The following MITF variants were observed in gnomAD, a reference collection of about 807,000 sequenced individuals.
MITF encodes microphthalmia-associated transcription factor.
Under a neutral mutation model 60.5 loss-of-function variants are expected in MITF, and 17 were observed. The observed-to-expected ratio is 0.28, with a 90% CI of 0.19 to 0.42. The LOEUF (loss-of-function observed/expected upper bound fraction) is 0.42. Ranked by LOEUF, MITF falls within the 10% of genes least tolerant of loss-of-function variation. The pLI is 1.00. For missense variants in MITF, 622 were observed against 683.5 expected, an observed-to-expected ratio of 0.91 and a Z score of 1.00; for synonymous variants, 260 against 248.5, an observed-to-expected ratio of 1.05 and a Z score of -0.43.
chr3:69,757,774 T>G (rs753161275), intron 1 of MITF, among the ~76,000 whole-genome samples: 31 of 152,154 alleles, frequency 2.0e-4, no homozygotes, highest in Non-Finnish European at 3.4e-4. Context: ...GAATTATGTG[T>G]AGGATCTTCG....
At chr3:69,825,592 C>T (rs1015510159) in intron 1 of MITF, among the ~76,000 whole-genome samples, 1 of 152,156 alleles carries the variant, frequency 6.6e-6, no homozygotes, top group African/African-American at 2.4e-5. Context: ...TTGTTTCCTT[C>T]CACCCTCATA....
At chr3:69,822,558 C>T (rs1001047625) in intron 1 of MITF, among the ~76,000 whole-genome samples, 14 of 152,012 alleles carry the variant, frequency 9.2e-5, no homozygotes, top group African/African-American at 2.7e-4. Flanking sequence ...GCATTCCTGT[C>T]GAGAGAAAAA....
At chr3:69,855,716 C>A (rs1284358950) in intron 1 of MITF, among the ~76,000 whole-genome samples, 1 of 151,838 alleles carries the variant, frequency 6.6e-6, no homozygotes, top group Non-Finnish European at 1.5e-5. Flanking sequence ...AGATAACAAC[C>A]AAAACAAAAA....
chr3:69,849,913 G>T (rs972326692), intron 1 of MITF, among the ~76,000 whole-genome samples: 131 of 152,150 alleles, frequency 8.6e-4, no homozygotes, highest in African/African-American at 3.1e-3. Flanking sequence ...ATAATATTTT[G>T]TTCTTATCTT....
intron 1 of MITF, among the ~76,000 whole-genome samples, chr3:69,822,150 C>T (rs936266087): frequency 2.2e-4 from 34 of 152,206 alleles, no homozygotes; most frequent in African/African-American, 8.0e-4. Flanking sequence ...ATAAACCACA[C>T]CTGGCCTGTC....
chr3:69,929,421 C>T (rs1270803171), intron 2 of MITF, among the ~76,000 whole-genome samples: 1 of 152,044 alleles, frequency 6.6e-6, no homozygotes, highest in Non-Finnish European at 1.5e-5. Flanking sequence ...GCACAGTGGA[C>T]AGGGGTCTGT....
chr3:69,945,750 C>T (rs1306073861), intron 5 of MITF, among the ~76,000 whole-genome samples: 1 of 152,148 alleles, frequency 6.6e-6, no homozygotes, highest in African/African-American at 2.4e-5. Context: ...TGCTTAACAG[C>T]ATCCCTGGCC....
At chr3:69,959,004 G>A in intron 8 of MITF, among the ~76,000 whole-genome samples, 1 of 148,060 alleles carries the variant, frequency 6.8e-6, no homozygotes, top group Non-Finnish European at 1.5e-5. Context: ...GGACTTGCGG[G>A]GAAGGGAGGG....
intron 1 of MITF, among the ~76,000 whole-genome samples, chr3:69,851,961 A>G (rs1048064678): frequency 6.6e-6 from 1 of 152,198 alleles, no homozygotes; most frequent in African/African-American, 2.4e-5. Flanking sequence ...GCAGTGCTTT[A>G]TGGGAAATCC....
chr3:69,866,229 C>T (rs1575842053), intron 1 of MITF: 1 of 1,607,402 alleles, frequency 6.2e-7, no homozygotes. Flanking sequence ...CAGCCAGTGC[C>T]AGAACTAACT....
intron 1 of MITF, among the ~76,000 whole-genome samples, chr3:69,813,804 A>C (rs1389194215): frequency 6.6e-6 from 1 of 152,208 alleles, no homozygotes; most frequent in Non-Finnish European, 1.5e-5. Context: ...ACAAAAAGTG[A>C]GAATACTTAA....
intron 2 of MITF, among the ~76,000 whole-genome samples, chr3:69,900,273 G>T (rs2064967902): frequency 6.6e-6 from 1 of 152,140 alleles, no homozygotes; most frequent in African/African-American, 2.4e-5. Context: ...GTTGCAGCCG[G>T]TTTATTTTTG....
chr3:69,818,095 T>G (rs181376955), intron 1 of MITF, among the ~76,000 whole-genome samples: 1 of 152,206 alleles, frequency 6.6e-6, no homozygotes, highest in Non-Finnish European at 1.5e-5. Context: ...AATATTGTAA[T>G]GCAGGGACTT....
intron 1 of MITF, among the ~76,000 whole-genome samples, chr3:69,806,884 C>T (rs995828969): frequency 1.3e-5 from 2 of 152,020 alleles, no homozygotes; most frequent in African/African-American, 4.8e-5. Context: ...AGTTTATTTC[C>T]ATGTGTAATT....
intron 2 of MITF, among the ~76,000 whole-genome samples, chr3:69,903,544 G>A (rs566727910): frequency 6.6e-6 from 1 of 152,198 alleles, no homozygotes; most frequent in Admixed American, 6.5e-5. Context: ...TAGGTCATGA[G>A]GTAGCTAGGG....
At chr3:69,749,407 T>C (rs1031862992) in intron 1 of MITF, among the ~76,000 whole-genome samples, 1 of 152,242 alleles carries the variant, frequency 6.6e-6, no homozygotes, top group South Asian at 2.1e-4. Context: ...CTCTGCTGTA[T>C]TGGTGAGCCT....
intron 1 of MITF, among the ~76,000 whole-genome samples, chr3:69,756,005 G>A (rs781727434): frequency 3.3e-5 from 5 of 152,152 alleles, no homozygotes; most frequent in Non-Finnish European, 5.9e-5. Context: ...CTCTGTGCAG[G>A]TGGTATTGAC....
At chr3:69,871,171 G>C (rs2064229126) in intron 1 of MITF, among the ~76,000 whole-genome samples, 1 of 152,016 alleles carries the variant, frequency 6.6e-6, no homozygotes, top group South Asian at 2.1e-4. Context: ...CTCCAGTTTG[G>C]CTTTCTTCTC....
intron 2 of MITF, among the ~76,000 whole-genome samples, chr3:69,901,607 A>G (rs1413885085): frequency 6.6e-6 from 1 of 152,126 alleles, no homozygotes; most frequent in Non-Finnish European, 1.5e-5. Flanking sequence ...CCAGTGGCAC[A>G]TGGTCTAATC....
Sources: allele counts gnomAD v4.1 joint callset (sites outside exome capture counted in the v4.1 genomes callset), GRCh38; gene constraint gnomAD v4.1.1; transcripts MANE v1.5; gene names NCBI Gene and HGNC (gene_info 2026-07-23, HGNC 2026-07-21).